Variants in PCDH9 observed in about 807,000 individuals in gnomAD.
The protein encoded by PCDH9 is protocadherin 9.
PCDH9 carries 24 observed loss-of-function variants against 70.6 expected under a neutral mutation model. That is an observed-to-expected ratio of 0.34 (90% confidence interval 0.25 to 0.48). PCDH9 has a LOEUF of 0.48. Among genes scored for constraint, PCDH9 ranks in the 20% least tolerant of loss-of-function variants. PCDH9 has a pLI of 0.99. For missense variants in PCDH9, 1,281 were observed against 1,503.6 expected, an observed-to-expected ratio of 0.85 and a Z score of 2.45; for synonymous variants, 562 against 558.5, an observed-to-expected ratio of 1.01 and a Z score of -0.09.
chr13:66,577,401 A>T (rs1191416007), intron 4 of PCDH9, among the ~76,000 whole-genome samples: 2 of 151,988 alleles, frequency 1.3e-5, no homozygotes, highest in Non-Finnish European at 2.9e-5. Context: ...GAGCATTTTT[A>T]AAATTTAAAT....
intron 4 of PCDH9, among the ~76,000 whole-genome samples, chr13:66,548,480 G>T (rs187402047): frequency 4.6e-5 from 7 of 152,114 alleles, no homozygotes; most frequent in Admixed American, 4.6e-4. Flanking sequence ...TGGGAGAATC[G>T]CTTGAACCCA....
At chr13:66,872,099 C>T (rs1594184887) in intron 3 of PCDH9, among the ~76,000 whole-genome samples, 1 of 152,036 alleles carries the variant, frequency 6.6e-6, no homozygotes, top group South Asian at 2.1e-4. Context: ...ACTGAAGAGT[C>T]CCCATAAAGG....
intron 3 of PCDH9, among the ~76,000 whole-genome samples, chr13:66,747,383 AACAAAACAAAAC>A (rs774958587): frequency 8.9e-3 from 243 of 27,326 alleles, no homozygotes; most frequent in African/African-American, 0.015. Context: ...AACAAAACAA[AACAAAACAAAAC>A]ACAAAAAGCA....
chr13:66,512,078 C>T (rs1019486340), intron 4 of PCDH9, among the ~76,000 whole-genome samples: 3 of 152,046 alleles, frequency 2.0e-5, no homozygotes, highest in Non-Finnish European at 4.4e-5. Context: ...GGAATTTTCA[C>T]TTTTACAGGT....
At chr13:66,455,281 T>G (rs1391344641) in intron 4 of PCDH9, among the ~76,000 whole-genome samples, 1 of 151,412 alleles carries the variant, frequency 6.6e-6, no homozygotes, top group Non-Finnish European at 1.5e-5. Flanking sequence ...TATATATATA[T>G]TTATTATAAA....
At chr13:66,569,876 C>T (rs532005784) in intron 4 of PCDH9, among the ~76,000 whole-genome samples, 1 of 152,052 alleles carries the variant, frequency 6.6e-6, no homozygotes, top group Non-Finnish European at 1.5e-5. Context: ...ATTAAATCTG[C>T]AATTGTCGTA....
At chr13:66,783,277 T>C (rs2080028503) in intron 3 of PCDH9, among the ~76,000 whole-genome samples, 1 of 152,120 alleles carries the variant, frequency 6.6e-6, no homozygotes, top group South Asian at 2.1e-4. Flanking sequence ...ATTTCATAAT[T>C]CACATTCTAT....
At chr13:66,872,204 T>C (rs959461378) in intron 3 of PCDH9, among the ~76,000 whole-genome samples, 8 of 152,242 alleles carry the variant, frequency 5.3e-5, no homozygotes, top group Non-Finnish European at 8.8e-5. Context: ...GACTTCAATA[T>C]GGTGAAATAT....
At chr13:66,479,191 T>A (rs538272483) in intron 4 of PCDH9, among the ~76,000 whole-genome samples, 1 of 152,332 alleles carries the variant, frequency 6.6e-6, no homozygotes, top group South Asian at 2.1e-4. Context: ...AAGCCCACCA[T>A]TGAGACTCTG....
intron 4 of PCDH9, among the ~76,000 whole-genome samples, chr13:66,481,426 G>T (rs531529313): frequency 6.6e-6 from 1 of 152,120 alleles, no homozygotes; most frequent in Admixed American, 6.5e-5. Context: ...ACTTGCCAAA[G>T]GTTCAGATGA....
At chr13:66,314,668 A>AT (rs1243759624) in intron 4 of PCDH9, among the ~76,000 whole-genome samples, 1 of 152,120 alleles carries the variant, frequency 6.6e-6, no homozygotes, top group Non-Finnish European at 1.5e-5. Flanking sequence ...CAATTCTTGC[A>AT]TTTTTTTAGA....
chr13:67,018,434 C>T (rs990100228), intron 2 of PCDH9, among the ~76,000 whole-genome samples: 3 of 151,986 alleles, frequency 2.0e-5, no homozygotes, highest in Admixed American at 6.6e-5. Context: ...TCCTGGTCAA[C>T]ATAGTGAAAC....
At chr13:66,912,428 C>G (rs901741006) in intron 2 of PCDH9, among the ~76,000 whole-genome samples, 2 of 151,986 alleles carry the variant, frequency 1.3e-5, no homozygotes, top group Non-Finnish European at 2.9e-5. Flanking sequence ...GAGACGAGCC[C>G]AGGTGTATAG....
At chr13:66,983,803 C>T (rs2139779453) in intron 2 of PCDH9, among the ~76,000 whole-genome samples, 1 of 151,510 alleles carries the variant, frequency 6.6e-6, no homozygotes, top group Middle Eastern at 3.4e-3. Flanking sequence ...AGCCTAGTAC[C>T]CAATCGTTTT....
intron 2 of PCDH9, among the ~76,000 whole-genome samples, chr13:66,957,955 T>G (rs903724011): frequency 3.3e-5 from 5 of 152,208 alleles, no homozygotes; most frequent in Non-Finnish European, 7.3e-5. Context: ...CTTTTTATGA[T>G]GAATTAATAT....
At chr13:66,432,614 A>G (rs926293861) in intron 4 of PCDH9, among the ~76,000 whole-genome samples, 1 of 151,988 alleles carries the variant, frequency 6.6e-6, no homozygotes, top group Admixed American at 6.6e-5. Flanking sequence ...AGACTACCAG[A>G]GAAATGACTA....
chr13:66,661,538 T>G (rs1018528160), intron 3 of PCDH9, among the ~76,000 whole-genome samples: 1 of 152,222 alleles, frequency 6.6e-6, no homozygotes, highest in South Asian at 2.1e-4. Context: ...ATGCCCTTGT[T>G]TATCTGGATT....
intron 3 of PCDH9, among the ~76,000 whole-genome samples, chr13:66,861,554 T>C (rs2081484928): frequency 6.6e-6 from 1 of 152,128 alleles, no homozygotes. Flanking sequence ...ATGTTAACAT[T>C]TGAAGGGGGA....
chr13:66,809,446 A>G (rs2080465614), intron 3 of PCDH9, among the ~76,000 whole-genome samples: 1 of 152,214 alleles, frequency 6.6e-6, no homozygotes. Flanking sequence ...TCTGCAATAT[A>G]TAACATTGCT....
Sources: gnomAD v4.1 joint callset for allele counts (sites outside exome capture counted in the v4.1 genomes callset) on GRCh38, gnomAD v4.1.1 for gene constraint, MANE v1.5 for transcripts, NCBI Gene and HGNC (gene_info 2026-07-23, HGNC 2026-07-21) for gene names.